Variants in APBA1 observed in about 807,000 individuals in gnomAD.
APBA1 encodes amyloid-beta A4 precursor protein-binding family A member 1.
In APBA1, 55 loss-of-function variants were observed where a neutral mutation model predicts 86.6. The observed-to-expected ratio is 0.64, with a 90% CI of 0.51 to 0.80. The LOEUF is 0.80. Ranked by LOEUF, APBA1 falls within the 30% of genes least tolerant of loss-of-function variation. The pLI, the probability that APBA1 is intolerant of heterozygous loss-of-function variation, is 0.00. For missense variants in APBA1, 1,090 were observed against 1,183.0 expected, an observed-to-expected ratio of 0.92 and a Z score of 1.15; for synonymous variants, 511 against 493.9, an observed-to-expected ratio of 1.03 and a Z score of -0.46.
intron 1 of APBA1, among the ~76,000 whole-genome samples, chr9:69,521,769 G>T (rs1836255916): frequency 6.6e-6 from 1 of 152,102 alleles, no homozygotes; most frequent in Non-Finnish European, 1.5e-5. Context: ...GGGCTTTGAG[G>T]TGAGAAAGGA....
intron 2 of APBA1, among the ~76,000 whole-genome samples, chr9:69,495,760 G>T (rs1055738301): frequency 6.6e-6 from 1 of 152,042 alleles, no homozygotes; most frequent in South Asian, 2.1e-4. Context: ...CTGTGAAAAA[G>T]CATCCAGCTC....
intron 1 of APBA1, among the ~76,000 whole-genome samples, chr9:69,596,677 T>G (rs537211546): frequency 2.2e-4 from 33 of 152,322 alleles, no homozygotes; most frequent in Non-Finnish European, 3.7e-4. Context: ...TTACATTTCA[T>G]TGACTAGTAC....
intron 1 of APBA1, among the ~76,000 whole-genome samples, chr9:69,616,882 A>G (rs1293824674): frequency 2.6e-5 from 4 of 152,182 alleles, no homozygotes; most frequent in Admixed American, 6.5e-5. Context: ...ATCAAAATGG[A>G]GTCATATTTT....
At chr9:69,556,352 T>C (rs1157879157) in intron 1 of APBA1, among the ~76,000 whole-genome samples, 1 of 151,988 alleles carries the variant, frequency 6.6e-6, no homozygotes, top group African/African-American at 2.4e-5. Flanking sequence ...ACTGAAGTCT[T>C]GGGGACAAGT....
intron 1 of APBA1, among the ~76,000 whole-genome samples, chr9:69,660,869 G>T (rs977186710): frequency 3.3e-5 from 5 of 152,172 alleles, no homozygotes; most frequent in African/African-American, 1.2e-4. Flanking sequence ...GGACAAGAGA[G>T]ATGGAAAAGA....
At chr9:69,574,481 T>A (rs935652613) in intron 1 of APBA1, among the ~76,000 whole-genome samples, 2 of 152,156 alleles carry the variant, frequency 1.3e-5, no homozygotes, top group Admixed American at 1.3e-4. Flanking sequence ...AAAAATCCTC[T>A]CTATATATGC....
Position 69,458,594 on chromosome 9 carries a change from T to C in APBA1, c.1483-406A>G, listed in dbSNP as rs186151906. On this transcript the variant is annotated intron_variant, in intron 5 of 12. Transcript: ENST00000265381. ...CTTCCTGAGATAAAAACTTAAATTA[T>C]GGCTTTTCAAACTTTATTCTGATAT... Among the ~76,000 whole-genome samples, 23 of 152,352 alleles carry C rather than the reference T, an allele frequency of 1.5e-4. No homozygotes were observed. In the East Asian group the frequency reaches 3.7e-3, roughly 24 times the overall value.
At chr9:69,591,400 C>T (rs1822125989) in intron 1 of APBA1, among the ~76,000 whole-genome samples, 1 of 152,186 alleles carries the variant, frequency 6.6e-6, no homozygotes, top group African/African-American at 2.4e-5. Context: ...CCAGTCTCTT[C>T]GATTAAGTAC....
intron 1 of APBA1, among the ~76,000 whole-genome samples, chr9:69,590,713 G>A (rs1367317843): frequency 6.6e-6 from 1 of 152,140 alleles, no homozygotes; most frequent in African/African-American, 2.4e-5. Flanking sequence ...CCCACGAATT[G>A]TGTCAGTCTT....
At chr9:69,599,714 A>G (rs1822308850) in intron 1 of APBA1, among the ~76,000 whole-genome samples, 1 of 152,154 alleles carries the variant, frequency 6.6e-6, no homozygotes, top group African/African-American at 2.4e-5. Context: ...ATTCTCAGAC[A>G]CTATGCAGAC....
At chr9:69,473,253 A>G (rs1199397705) in intron 3 of APBA1, among the ~76,000 whole-genome samples, 1 of 152,226 alleles carries the variant, frequency 6.6e-6, no homozygotes, top group Non-Finnish European at 1.5e-5. Context: ...AGATAGGCCC[A>G]GTTGAGAGCC....
chr9:69,623,577 C>T (rs1184436543), intron 1 of APBA1, among the ~76,000 whole-genome samples: 1 of 152,154 alleles, frequency 6.6e-6, no homozygotes, highest in African/African-American at 2.4e-5. Flanking sequence ...CTGGCCCTGA[C>T]TAGATCTAAT....
intron 1 of APBA1, among the ~76,000 whole-genome samples, chr9:69,640,912 AG>A (rs1158751651): frequency 6.8e-6 from 1 of 146,148 alleles, no homozygotes; most frequent in African/African-American, 2.5e-5. Flanking sequence ...GAAAGAGGAG[AG>A]GGGAGAGGGG....
At chr9:69,567,048 C>A (rs570332827) in intron 1 of APBA1, among the ~76,000 whole-genome samples, 1 of 152,182 alleles carries the variant, frequency 6.6e-6, no homozygotes, top group Non-Finnish European at 1.5e-5. Flanking sequence ...ATGGTCTATA[C>A]ACTTCAGTAC....
In APBA1 at chr9:69,535,377, T is replaced by C. The variant is rs191562650; in HGVS notation, c.-69-18098A>G. ...GTGGTGCTAATGATAAGCCTGGTAC[T>C]AACCTAACTCCTATCCCTTGGTAGT... On this transcript the variant is annotated intron_variant, in intron 1 of 12. Transcript: ENST00000265381. 8.3e-4 allele frequency among the ~76,000 whole-genome samples: 126 copies of C among 152,340 alleles called. 1 individual carries two copies. Among genetic ancestry groups the C allele is most frequent in the African/African-American group, 2.9e-3 (120 of 41,590 alleles).
intron 2 of APBA1, among the ~76,000 whole-genome samples, chr9:69,497,068 T>C (rs1303633409): frequency 6.6e-6 from 1 of 152,146 alleles, no homozygotes; most frequent in Non-Finnish European, 1.5e-5. Context: ...CAGTGTCTTA[T>C]TGGTACAAAA....
chr9:69,575,513 A>G (rs1232027550), intron 1 of APBA1, among the ~76,000 whole-genome samples: 1 of 152,184 alleles, frequency 6.6e-6, no homozygotes, highest in Non-Finnish European at 1.5e-5. Context: ...ACAGAGATAT[A>G]GACCAATGGA....
chr9:69,471,460 A>C (rs532997600), intron 4 of APBA1, among the ~76,000 whole-genome samples, 196 bp downstream of exon 4: 19 of 152,304 alleles, frequency 1.2e-4, no homozygotes, highest in African/African-American at 4.3e-4. Flanking sequence ...TAATGAGCAA[A>C]GACGTGAGGA....
chr9:69,588,932 G>A (rs1822074119), intron 1 of APBA1, among the ~76,000 whole-genome samples: 1 of 152,048 alleles, frequency 6.6e-6, no homozygotes, highest in Admixed American at 6.5e-5. Flanking sequence ...AGGGGCTTGA[G>A]GGGAAGAATA....
Sources: allele counts gnomAD v4.1 joint callset (sites outside exome capture counted in the v4.1 genomes callset), GRCh38; gene constraint gnomAD v4.1.1; transcripts MANE v1.5; gene names NCBI Gene and HGNC (gene_info 2026-07-23, HGNC 2026-07-21).